The following PEX5L variants were observed in gnomAD, a reference collection of about 807,000 sequenced individuals.
PEX5L encodes peroxisomal biogenesis factor 5 like.
Under a neutral mutation model 84.0 loss-of-function variants are expected in PEX5L, and 30 were observed. The ratio of observed to expected loss-of-function variants is 0.36; its 90% CI spans 0.27 to 0.48. The LOEUF is 0.48. Among genes scored for constraint, PEX5L ranks in the 20% least tolerant of loss-of-function variants. The pLI, the probability that PEX5L is intolerant of heterozygous loss-of-function variation, is 0.99. For synonymous variants in PEX5L, 270 were observed against 283.1 expected (o/e 0.95, Z 0.46); for missense variants, 533 against 754.6 (o/e 0.71, Z 3.44).
intron 1 of PEX5L, among the ~76,000 whole-genome samples, chr3:179,978,586 T>C (rs1272769948): frequency 1.3e-5 from 2 of 152,148 alleles, no homozygotes; most frequent in Non-Finnish European, 2.9e-5. Flanking sequence ...ATATACACTA[T>C]CACATTTCTA....
chr3:179,988,101 T>C (rs1787021189), intron 1 of PEX5L, among the ~76,000 whole-genome samples: 1 of 151,996 alleles, frequency 6.6e-6, no homozygotes, highest in Non-Finnish European at 1.5e-5. Context: ...AGTAATTTTG[T>C]AGTGATTAAA....
At chr3:179,958,259 G>C (rs1261241286) in intron 2 of PEX5L, among the ~76,000 whole-genome samples, 1 of 152,114 alleles carries the variant, frequency 6.6e-6, no homozygotes. Flanking sequence ...ATAAGTGAGG[G>C]AGGTATGATG....
intron 2 of PEX5L, among the ~76,000 whole-genome samples, chr3:179,927,298 A>G (rs1188053357): frequency 6.6e-6 from 1 of 152,120 alleles, no homozygotes; most frequent in Non-Finnish European, 1.5e-5. Flanking sequence ...CAGGGTAAAG[A>G]CAGAGGCTGT....
intron 2 of PEX5L, among the ~76,000 whole-genome samples, chr3:179,907,150 T>C (rs551597087): frequency 1.5e-4 from 23 of 152,250 alleles, no homozygotes; most frequent in Non-Finnish European, 2.9e-4. Flanking sequence ...CTTTTACTTA[T>C]CAGGGATTAG....
intron 3 of PEX5L, chr3:179,888,068 G>C (rs1331643826): frequency 2.0e-6 from 2 of 997,436 alleles, no homozygotes; most frequent in Non-Finnish European, 2.8e-6. Context: ...TCAATATATA[G>C]AAAATGACAC....
chr3:179,925,539 T>C lies in PEX5L; in HGVS notation c.94-27293A>G, dbSNP rs538293676. Among the ~76,000 whole-genome samples, 282 of 152,348 alleles carry C rather than the reference T, an allele frequency of 1.9e-3. 1 individual carries two copies. The highest frequency in any genetic ancestry group is 4.6e-3 in the South Asian group (22 of 4,834). The stretch of plus-strand genomic sequence containing the variant: ...CTACATCAGTGCATAAAGAATTTAT[T>C]TTTGTTATATCTGCATAATAATATT... On this transcript the variant is annotated intron_variant, in intron 2 of 14. Transcript: ENST00000467460.
chr3:179,925,394 T>C (rs1448271178), intron 2 of PEX5L, among the ~76,000 whole-genome samples: 2 of 152,124 alleles, frequency 1.3e-5, no homozygotes, highest in African/African-American at 2.4e-5. Context: ...TTTATGTCCA[T>C]GCAAGTGAGC....
chr3:180,036,436 C>T, intron 1 of PEX5L, 143 bp downstream of exon 1: 1 of 836,998 alleles, frequency 1.2e-6, no homozygotes, highest in Admixed American at 1.8e-5. Flanking sequence ...CCGGCAGCAC[C>T]GGACAGAAAT....
At chr3:180,021,254 C>T (rs2110507757) in intron 1 of PEX5L, among the ~76,000 whole-genome samples, 1 of 152,166 alleles carries the variant, frequency 6.6e-6, no homozygotes, top group Non-Finnish European at 1.5e-5. Flanking sequence ...AATTTGGGGA[C>T]ATGTTCAAAA....
chr3:179,896,767 C>A (rs946590466), intron 3 of PEX5L, among the ~76,000 whole-genome samples: 2 of 152,122 alleles, frequency 1.3e-5, no homozygotes, highest in African/African-American at 4.8e-5. Flanking sequence ...AAGTAGTTCT[C>A]ACCTTCCATA....
intron 1 of PEX5L, among the ~76,000 whole-genome samples, chr3:180,028,950 A>G (rs1487947188): frequency 6.6e-6 from 1 of 152,218 alleles, no homozygotes; most frequent in Non-Finnish European, 1.5e-5. Context: ...TTTAATATAA[A>G]GAAGCTAATG....
At chr3:179,919,111 G>C (rs1183376161) in intron 2 of PEX5L, among the ~76,000 whole-genome samples, 19 of 152,150 alleles carry the variant, frequency 1.2e-4, no homozygotes, top group Admixed American at 1.1e-3. Context: ...GTGTACATCA[G>C]TTATCAGTAA....
chr3:179,802,087 TG>T (rs1719067275), intron 14 of PEX5L, 55 bp from the exon 15 acceptor site: 1 of 1,296,354 alleles, frequency 7.7e-7, no homozygotes, highest in Admixed American at 1.7e-5. Flanking sequence ...AGTTAGCAAA[TG>T]TAAACAAAAC....
intron 2 of PEX5L, among the ~76,000 whole-genome samples, chr3:179,950,683 A>G (rs1374005381): frequency 6.6e-6 from 1 of 152,210 alleles, no homozygotes; most frequent in Non-Finnish European, 1.5e-5. Context: ...CTTACAGTCT[A>G]GTTGAAAATA....
chr3:179,874,738 G>GTTTTTT (rs3836472), intron 6 of PEX5L, among the ~76,000 whole-genome samples: 45 of 45,968 alleles, frequency 9.8e-4, no homozygotes, highest in South Asian at 2.3e-3. Flanking sequence ...TTTTTTTTTT[G>GTTTTTT]TTTTTTTTTT....
intron 2 of PEX5L, among the ~76,000 whole-genome samples, chr3:179,937,359 A>C (rs1046940076): frequency 2.0e-5 from 3 of 152,186 alleles, no homozygotes; most frequent in East Asian, 1.9e-4. Context: ...TGCGGGGTAC[A>C]TGAGAACTCT....
chr3:179,819,724 C>A (rs1051898638), intron 9 of PEX5L, 136 bp downstream of exon 9: 12 of 791,508 alleles, frequency 1.5e-5, no homozygotes, highest in East Asian at 2.5e-5. Flanking sequence ...ATCAGAATTT[C>A]TTCTAGGTCA....
intron 1 of PEX5L, among the ~76,000 whole-genome samples, chr3:180,000,791 G>A (rs187465446): frequency 5.0e-4 from 76 of 152,236 alleles, no homozygotes; most frequent in Middle Eastern, 6.8e-3. Flanking sequence ...TTTAGGTTGG[G>A]GATTGGTGCA....
At chr3:179,866,667 A>G (rs1748295646) in intron 7 of PEX5L, among the ~76,000 whole-genome samples, 1 of 152,132 alleles carries the variant, frequency 6.6e-6, no homozygotes, top group African/African-American at 2.4e-5. Context: ...GATCATTTAA[A>G]CACTTTCCTC....
Sources: gnomAD v4.1 joint callset for allele counts (sites outside exome capture counted in the v4.1 genomes callset) on GRCh38, gnomAD v4.1.1 for gene constraint, MANE v1.5 for transcripts, NCBI Gene and HGNC (gene_info 2026-07-23, HGNC 2026-07-21) for gene names.